ARHGEF4: variants seen among roughly 807,000 people sequenced by gnomAD.
ARHGEF4 encodes the protein Rho guanine nucleotide exchange factor 4.
Under a neutral mutation model 162.0 loss-of-function variants are expected in ARHGEF4, and 119 were observed. The ratio of observed to expected loss-of-function variants is 0.73; its 90% CI spans 0.63 to 0.86. ARHGEF4 has a LOEUF of 0.86. ARHGEF4 is among the 40% of genes least tolerant of loss of function. ARHGEF4 has a pLI of 0.00. For missense variants in ARHGEF4, 2,488 were observed against 2,456.0 expected (o/e 1.01, Z -0.28); for synonymous variants, 1,014 against 979.9 (o/e 1.03, Z -0.65).
chr2:130,999,063 A>G (rs1300568676), intron 4 of ARHGEF4, among the ~76,000 whole-genome samples: 1 of 151,810 alleles, frequency 6.6e-6, no homozygotes, highest in East Asian at 1.9e-4. Flanking sequence ...CCCTAATGAC[A>G]TACCTGTATA....
At chr2:130,873,839 G>A (rs1678649946) in intron 1 of ARHGEF4, among the ~76,000 whole-genome samples, 1 of 152,108 alleles carries the variant, frequency 6.6e-6, no homozygotes, top group Non-Finnish European at 1.5e-5. Flanking sequence ...TGGTCCATCT[G>A]ATTTCATCCA....
chr2:130,964,313 C>CCCCCG, intron 4 of ARHGEF4: 19 of 931,766 alleles, frequency 2.0e-5, no homozygotes, highest in Non-Finnish European at 2.3e-5. Flanking sequence ...CTCTTGGGAC[C>CCCCCG]CCCCGCCCCC....
intron 1 of ARHGEF4, among the ~76,000 whole-genome samples, chr2:130,843,461 C>G (rs553538196): frequency 5.9e-5 from 9 of 152,302 alleles, no homozygotes; most frequent in Middle Eastern, 3.4e-3. Context: ...TGCCAGCAGG[C>G]CTTCCGTGCC....
Position 130,917,279 on chromosome 2 carries a change from G to T in ARHGEF4, c.3333G>T (p.Arg1111Ser), listed in dbSNP as rs1681559463. 1.3e-6 allele frequency: 2 copies of T among 1,550,386 alleles called. No individual in the cohort carries two copies. The highest frequency in any genetic ancestry group is 3.9e-5 in the Admixed American group (2 of 50,986). Reference protein sequence around the residue: ...AQRMGLHYPGRGSAISMVSLG... With the variant: ...AQRMGLHYPGSGSAISMVSLG... The stretch of plus-strand genomic sequence containing the variant: ...GGATGGGTCTCCACTACCCCGGGAG[G>T]GGTAGCGCCATCTCCATGGTTTCTC... The change falls in exon 2 of 14, where the codon AGG becomes AGT. Residue 1111 changes from arginine (R) to serine (S), a missense_variant. By Grantham distance (110) the Arg-to-Ser change is moderately radical. Transcript: ENST00000409359.
At chr2:130,958,598 C>T (rs555544266) in intron 4 of ARHGEF4, among the ~76,000 whole-genome samples, 2 of 151,964 alleles carry the variant, frequency 1.3e-5, no homozygotes, top group Admixed American at 6.6e-5. Context: ...TTAGTAGAGA[C>T]GGGGTTTCAC....
chr2:130,982,574 C>T (rs374108901), intron 4 of ARHGEF4, among the ~76,000 whole-genome samples: 1 of 145,762 alleles, frequency 6.9e-6, no homozygotes, highest in East Asian at 2.2e-4. Flanking sequence ...CCTCCTCCCC[C>T]TTCTCCTCCC....
chr2:130,917,981 C>T (rs1049680419), intron 2 of ARHGEF4, among the ~76,000 whole-genome samples: 10 of 152,178 alleles, frequency 6.6e-5, no homozygotes, highest in East Asian at 5.8e-4. Flanking sequence ...GCCACCACGC[C>T]TGGCTAATTT....
In ARHGEF4 at chr2:131,046,489, G is replaced by C; in HGVS notation, c.*300G>C. 2.9e-6 allele frequency: 1 copy of C among 340,496 alleles called. No homozygotes were observed. 21.1% of individuals were successfully genotyped at this position (340,496 alleles called of 1,614,324 possible). A position where few individuals can be genotyped will look rare whatever the true frequency, so the allele number is the denominator to read the frequency against. ...GCCTCACTGCTGGAGCGGGGAAACC[G>C]CAGCTCAGCCCAGGCCCAGCTGGGG... On this transcript the variant is annotated 3_prime_UTR_variant, in exon 14 of 14. Coordinates refer to ENST00000409359, the MANE Select transcript of ARHGEF4 (RefSeq NM_001367493.1).
chr2:130,906,319 G>C (rs987897823), intron 1 of ARHGEF4, among the ~76,000 whole-genome samples: 3 of 152,158 alleles, frequency 2.0e-5, no homozygotes, highest in African/African-American at 7.2e-5. Flanking sequence ...AGACAGGGCA[G>C]ATAAACATAC....
At position 131,044,349 on chromosome 2, in the gene ARHGEF4, C is replaced by T. The variant is rs145062609; in HGVS notation, c.5208C>T (p.Asp1736=). ...ACTACAAGGGCCGGCTGGACATGGA[C>T]GGCCTGGAGGTGGTGGACCTGGAGG... ...VLYYKGRLDM[D]GLEVVDLEDG... Residue 1736 remains aspartate, a synonymous_variant, in exon 12 of 14, where the codon GAC becomes GAT. Coordinates refer to ENST00000409359, the MANE Select transcript of ARHGEF4 (RefSeq NM_001367493.1). 1.4e-5 allele frequency: 23 copies of T among 1,607,226 alleles called. No homozygotes were observed. The highest frequency in any genetic ancestry group is 4.0e-5 in the African/African-American group (3 of 74,854).
rs1002420418 is a variant in ARHGEF4, at chr2:130,884,630, A to G, written c.40-29356A>G. 3.9e-5 allele frequency among the ~76,000 whole-genome samples: 6 copies of G among 152,254 alleles called. No homozygotes were observed. In the South Asian group the frequency reaches 1.2e-3, roughly 32 times the overall value. On this transcript the variant is annotated intron_variant, in intron 1 of 13. Coordinates refer to ENST00000409359, the MANE Select transcript of ARHGEF4 (RefSeq NM_001367493.1). ...GTTGCAACACCTGTTCTGAGCGTTC[A>G]TCCTCTGCTGGACGAAGTAAAACAT... is the stretch of plus-strand genomic sequence containing the variant.
At chr2:130,907,725 A>G (rs6742326) in intron 1 of ARHGEF4, among the ~76,000 whole-genome samples, 141,525 of 151,658 alleles carry the variant, frequency 0.93, 66,233 homozygotes, top group East Asian at 1. Flanking sequence ...AGGCCAAGGC[A>G]GGCAGATCAC....
At chr2:130,852,418 G>A (rs1168736605) in intron 1 of ARHGEF4, among the ~76,000 whole-genome samples, 1 of 152,182 alleles carries the variant, frequency 6.6e-6, no homozygotes, top group Non-Finnish European at 1.5e-5. Flanking sequence ...GCACAACATC[G>A]GGGTGCCGTT....
chr2:130,903,404 C>T (rs915686513), intron 1 of ARHGEF4, among the ~76,000 whole-genome samples: 19 of 152,052 alleles, frequency 1.2e-4, no homozygotes, highest in African/African-American at 4.1e-4. Flanking sequence ...GGATTACAGG[C>T]ACGTGCCACC....
intron 1 of ARHGEF4, chr2:130,837,676 C>G (rs1465643237): frequency 2.3e-6 from 1 of 440,582 alleles, no homozygotes; most frequent in Non-Finnish European, 4.5e-6. Context: ...TGGCCGGCCA[C>G]AGGTTGCCAA....
intron 5 of ARHGEF4, among the ~76,000 whole-genome samples, chr2:131,031,486 G>A (rs909380272): frequency 6.6e-6 from 1 of 152,234 alleles, no homozygotes; most frequent in East Asian, 1.9e-4. Flanking sequence ...GTCCTAGGAT[G>A]CAGCTGTGCA....
rs1023900070 is a variant in ARHGEF4 at position 131,041,342 on chromosome 2, G to A, written c.4775G>A (p.Arg1592Gln). The change falls in exon 9 of 14, where the codon CGG (arginine) becomes CAG (glutamine). Residue 1592 changes from arginine to glutamine, a missense_variant. Around this residue, in one of 6 missense-constraint regions of ARHGEF4, gnomAD observed 415 missense variants for 512.4 expected, o/e 0.81. Coordinates refer to ENST00000409359, the MANE Select transcript of ARHGEF4 (RefSeq NM_001367493.1). Reference protein sequence around the residue: ...SKYVYFFEACRLLQKMIDISL... With the variant: ...SKYVYFFEACQLLQKMIDISL... ...TACGTGTACTTCTTCGAGGCCTGCCGGCTGCTGCAGAAGATGATTGACATC... is the reference window on the plus strand; with the variant it reads ...TACGTGTACTTCTTCGAGGCCTGCCAGCTGCTGCAGAAGATGATTGACATC... The A allele has an allele frequency of 1.2e-6, 2 of 1,613,544 alleles. No individual in the cohort carries two copies. Among genetic ancestry groups the A allele is most frequent in the Admixed American group, 1.7e-5 (1 of 60,006 alleles).
chr2:130,953,298 A>C (rs1044267885), intron 4 of ARHGEF4, among the ~76,000 whole-genome samples: 86 of 152,282 alleles, frequency 5.6e-4, no homozygotes, highest in African/African-American at 2.0e-3. Context: ...CAAAAACAAG[A>C]AATGGGGAAA....
intron 3 of ARHGEF4, among the ~76,000 whole-genome samples, chr2:130,941,597 T>C (rs1050921163): frequency 4.6e-5 from 7 of 152,286 alleles, no homozygotes; most frequent in Admixed American, 3.9e-4. Flanking sequence ...CTAACACTTA[T>C]TTTGTATGTT....
Sources: gnomAD v4.1 joint callset for allele counts (sites outside exome capture counted in the v4.1 genomes callset) on GRCh38, gnomAD v4.1.1 for gene constraint, gnomAD v4.1.1 regional missense constraint, MANE v1.5 for transcripts, NCBI Gene and HGNC (gene_info 2026-07-23, HGNC 2026-07-21) for gene names.